PRKN: variants seen among roughly 807,000 people sequenced by gnomAD.
PRKN encodes the protein parkin RBR E3 ubiquitin protein ligase, also known as E3 ubiquitin-protein ligase parkin.
Under a neutral mutation model 59.5 loss-of-function variants are expected in PRKN, and 56 were observed. That is an observed-to-expected ratio of 0.94 (90% CI 0.76 to 1.18). The LOEUF (loss-of-function observed/expected upper bound fraction) is 1.18. PRKN is among the 50% of genes most tolerant of loss of function. The pLI is 0.00. For synonymous variants in PRKN, 250 were observed against 222.1 expected (o/e 1.13, Z -1.12); for missense variants, 657 against 596.4 (o/e 1.10, Z -1.06).
At chr6:161,925,056 G>A (rs1301046544) in intron 6 of PRKN, among the ~76,000 whole-genome samples, 1 of 151,966 alleles carries the variant, frequency 6.6e-6, no homozygotes, top group Middle Eastern at 3.2e-3. Flanking sequence ...TGAATCCAGA[G>A]GAAGGAAACA....
At chr6:162,011,334 A>T (rs1311204297) in intron 5 of PRKN, among the ~76,000 whole-genome samples, 5 of 14,076 alleles carry the variant, frequency 3.6e-4, no homozygotes, top group Admixed American at 1.9e-3. Context: ...TATATATAAT[A>T]TATTATATAT....
At chr6:162,126,152 A>T (rs141360094) in intron 4 of PRKN, among the ~76,000 whole-genome samples, 361 of 152,340 alleles carry the variant, frequency 2.4e-3, no homozygotes, top group African/African-American at 8.3e-3. Context: ...GAGATAAAGG[A>T]AGAAACAATG....
chr6:161,953,748 C>T (rs1418091616), intron 6 of PRKN, among the ~76,000 whole-genome samples: 1 of 152,126 alleles, frequency 6.6e-6, no homozygotes. Flanking sequence ...ATGTACATTC[C>T]GAACACATCA....
chr6:161,897,767 G>T (rs1456676991), intron 6 of PRKN, among the ~76,000 whole-genome samples: 5 of 150,912 alleles, frequency 3.3e-5, no homozygotes, highest in African/African-American at 1.2e-4. Flanking sequence ...GGATCACGAG[G>T]TCAGGAGATC....
chr6:162,685,330 T>C (rs559438992), intron 1 of PRKN, among the ~76,000 whole-genome samples: 4 of 152,310 alleles, frequency 2.6e-5, no homozygotes, highest in East Asian at 1.9e-4. Flanking sequence ...TTAAAACTTC[T>C]AGTTTTAATA....
chr6:161,616,415 T>C (rs1782696447), intron 7 of PRKN, among the ~76,000 whole-genome samples: 2 of 152,006 alleles, frequency 1.3e-5, no homozygotes, highest in Non-Finnish European at 2.9e-5. Flanking sequence ...TGTTCTTTTT[T>C]TTTTTTTTAA....
intron 7 of PRKN, among the ~76,000 whole-genome samples, chr6:161,662,488 G>A (rs1194269355): frequency 6.6e-6 from 1 of 152,188 alleles, no homozygotes; most frequent in African/African-American, 2.4e-5. Context: ...GGCAGGTGCA[G>A]CAGCCTCCAG....
intron 7 of PRKN, among the ~76,000 whole-genome samples, chr6:161,617,873 T>G (rs1782754248): frequency 6.6e-6 from 1 of 152,214 alleles, no homozygotes; most frequent in African/African-American, 2.4e-5. Context: ...GTTAAATCGG[T>G]AGATTCCTTG....
intron 9 of PRKN, among the ~76,000 whole-genome samples, chr6:161,537,796 G>T (rs1165758672): frequency 1.3e-5 from 2 of 152,198 alleles, no homozygotes; most frequent in African/African-American, 4.8e-5. Flanking sequence ...GATAATGTGT[G>T]TAAGAATTCT....
chr6:162,362,449 C>T (rs958344947), intron 2 of PRKN, among the ~76,000 whole-genome samples: 1 of 151,886 alleles, frequency 6.6e-6, no homozygotes, highest in Non-Finnish European at 1.5e-5. Context: ...TGGGAGGTGG[C>T]GGACACAAGT....
chr6:161,569,296 G>T (rs1201549098), intron 8 of PRKN, 59 bp downstream of exon 8: 2 of 1,507,590 alleles, frequency 1.3e-6, no homozygotes, highest in Non-Finnish European at 1.8e-6. Flanking sequence ...AGCCCAAACT[G>T]TCTCATTAGC....
intron 1 of PRKN, among the ~76,000 whole-genome samples, chr6:162,604,368 C>T (rs748672026): frequency 1.3e-5 from 2 of 152,122 alleles, no homozygotes; most frequent in African/African-American, 4.8e-5. Flanking sequence ...AGTCAAATAC[C>T]TTGCTTTCCC....
At chr6:161,860,799 C>T (rs888184208) in intron 6 of PRKN, among the ~76,000 whole-genome samples, 1 of 152,156 alleles carries the variant, frequency 6.6e-6, no homozygotes, top group African/African-American at 2.4e-5. Flanking sequence ...CAAAAGAAGA[C>T]ATTTATGTGA....
chr6:161,680,153 G>A (rs922101541), intron 7 of PRKN, among the ~76,000 whole-genome samples: 2 of 152,074 alleles, frequency 1.3e-5, no homozygotes, highest in African/African-American at 4.8e-5. Flanking sequence ...TAAACTTTTC[G>A]ATCAAGAGAT....
At chr6:162,039,967 CT>C (rs1171602893) in intron 5 of PRKN, among the ~76,000 whole-genome samples, 2 of 152,182 alleles carry the variant, frequency 1.3e-5, no homozygotes, top group African/African-American at 4.8e-5. Flanking sequence ...ATTAATTTTA[CT>C]GGTAAATTTA....
intron 4 of PRKN, among the ~76,000 whole-genome samples, chr6:162,128,984 C>T (rs1287154946): frequency 1.3e-5 from 2 of 152,172 alleles, no homozygotes; most frequent in Non-Finnish European, 2.9e-5. Flanking sequence ...AGGTGACTAA[C>T]AAGCCCTAAT....
At chr6:162,326,073 T>A (rs4709597) in intron 2 of PRKN, among the ~76,000 whole-genome samples, 152,215 of 152,256 alleles carry the variant, frequency 1, 76,088 homozygotes, top group Middle Eastern at 1. Flanking sequence ...TGTAAAATCC[T>A]AACATTCACA....
chr6:162,627,131 G>A (rs956305060), intron 1 of PRKN, among the ~76,000 whole-genome samples: 2 of 152,106 alleles, frequency 1.3e-5, no homozygotes, highest in Non-Finnish European at 2.9e-5. Flanking sequence ...TTCAAGGAGG[G>A]AGTAACTAAC....
chr6:161,633,115 C>T (rs1446276408), intron 7 of PRKN, among the ~76,000 whole-genome samples: 4 of 151,942 alleles, frequency 2.6e-5, no homozygotes, highest in Admixed American at 6.6e-5. Flanking sequence ...ATATTTGTCC[C>T]GGAAAATGTA....
Sources: allele counts gnomAD v4.1 joint callset (sites outside exome capture counted in the v4.1 genomes callset), GRCh38; gene constraint gnomAD v4.1.1; transcripts MANE v1.5; gene names NCBI Gene and HGNC (gene_info 2026-07-23, HGNC 2026-07-21).